Variants in ESD observed in about 807,000 individuals in gnomAD.
ESD encodes the protein S-formylglutathione hydrolase.
A neutral mutation model predicts 38.1 loss-of-function variants in ESD; 34 were observed. The ratio of observed to expected loss-of-function variants is 0.89; its 90% CI spans 0.68 to 1.19. The LOEUF is 1.19. Ranked by LOEUF, ESD falls within the 50% of genes most tolerant of loss-of-function variation. The pLI, the probability that ESD is intolerant of heterozygous loss-of-function variation, is 0.00. For missense variants in ESD, 334 were observed against 327.2 expected (o/e 1.02, Z -0.16); for synonymous variants, 97 against 107.0 (o/e 0.91, Z 0.58).
At chr13:46,774,346 G>C (rs1450665402) in intron 9 of ESD, among the ~76,000 whole-genome samples, 1 of 152,138 alleles carries the variant, frequency 6.6e-6, no homozygotes, top group East Asian at 1.9e-4. Context: ...GAATACATTT[G>C]AACAATTGGT....
chr13:46,774,906 T>C (rs926076921), intron 9 of ESD, among the ~76,000 whole-genome samples: 2 of 152,214 alleles, frequency 1.3e-5, no homozygotes, highest in Non-Finnish European at 2.9e-5. Context: ...TTCTCTGCCA[T>C]GTTCTTACTC....
intron 1 of ESD, among the ~76,000 whole-genome samples, chr13:46,796,162 T>A (rs1875568113): frequency 1.3e-5 from 2 of 152,176 alleles, no homozygotes; most frequent in Admixed American, 1.3e-4. Context: ...CTATGCATAA[T>A]TCTAGGATGG....
chr13:46,778,691 G>C (rs1030512836), intron 8 of ESD, among the ~76,000 whole-genome samples: 3 of 151,738 alleles, frequency 2.0e-5, no homozygotes, highest in African/African-American at 7.3e-5. Context: ...TCAGAACCTA[G>C]CATAGACTTT....
intron 8 of ESD, among the ~76,000 whole-genome samples, chr13:46,778,697 A>G (rs910485658): frequency 4.0e-5 from 6 of 151,806 alleles, no homozygotes; most frequent in Non-Finnish European, 5.9e-5. Context: ...CCTAGCATAG[A>G]CTTTGCACCA....
intron 3 of ESD, among the ~76,000 whole-genome samples, chr13:46,789,082 C>T (rs1045283299): frequency 3.9e-5 from 6 of 152,154 alleles, no homozygotes; most frequent in African/African-American, 1.4e-4. Flanking sequence ...TAAATGGCTA[C>T]ATGTAATTAC....
chr13:46,773,684 C>A (rs1352733768), intron 9 of ESD, among the ~76,000 whole-genome samples: 1 of 152,086 alleles, frequency 6.6e-6, no homozygotes, highest in East Asian at 1.9e-4. Context: ...ATAAAAAGTT[C>A]TAGTTTAAGG....
intron 8 of ESD, among the ~76,000 whole-genome samples, chr13:46,779,549 G>C (rs1327430899): frequency 6.6e-6 from 1 of 150,914 alleles, no homozygotes; most frequent in Non-Finnish European, 1.5e-5. Context: ...TTAGATTAGG[G>C]ATGCTCAACC....
intron 3 of ESD, 149 bp downstream of exon 3, chr13:46,791,197 A>G (rs1343591502): frequency 3.4e-6 from 2 of 580,730 alleles, no homozygotes; most frequent in Admixed American, 3.5e-5. Flanking sequence ...AGTCTGGTAG[A>G]ATTGTCAAAT....
chr13:46,794,144 C>T (rs1269763299), intron 1 of ESD, among the ~76,000 whole-genome samples: 2 of 118,546 alleles, frequency 1.7e-5, no homozygotes, highest in Non-Finnish European at 3.6e-5. Context: ...CAACACCCTT[C>T]CTCCTTCCCC....
intron 9 of ESD, among the ~76,000 whole-genome samples, chr13:46,775,222 G>GA (rs1340626715): frequency 1.3e-5 from 2 of 151,124 alleles, no homozygotes; most frequent in East Asian, 1.9e-4. Flanking sequence ...AATAGAAAAA[G>GA]AAAAAATTAT....
intron 8 of ESD, among the ~76,000 whole-genome samples, 168 bp from the exon 9 acceptor site, chr13:46,777,791 A>G (rs1566278049): frequency 6.6e-6 from 1 of 151,922 alleles, no homozygotes; most frequent in Non-Finnish European, 1.5e-5. Flanking sequence ...TTTATTTACA[A>G]GGTCTTCGGA....
chr13:46,791,289 A>G, intron 3 of ESD, 57 bp downstream of exon 3: 1 of 1,317,406 alleles, frequency 7.6e-7, no homozygotes, highest in South Asian at 1.2e-5. Flanking sequence ...GTTTTAAAAT[A>G]GAACAAAATA....
At chr13:46,775,771 TAGA>T (rs1233538711) in intron 9 of ESD, 27 of 440,302 alleles carry the variant, frequency 6.1e-5, no homozygotes, top group Middle Eastern at 3.5e-4. Context: ...CTTACTTTTT[TAGA>T]AGAATTGAAT....
Position 46,777,585 on chromosome 13 carries a change from T to C in ESD, c.639A>G (p.Gly213=). Residue 213 remains glycine (G), a synonymous_variant, in exon 9 of 10, where the codon GGA becomes GGG. Transcript: ENST00000378720. The part of the protein sequence containing the change: ...DATHLVKSYP[G]SQLDILIDQG... ...GATCAATTAGTATGTCCAGCTGAGATCCTGGATAGGATTTCACAAGGTGGG... is the reference window on the plus strand; with the variant it reads ...GATCAATTAGTATGTCCAGCTGAGACCCTGGATAGGATTTCACAAGGTGGG... 6.2e-7 allele frequency: 1 copy of C among 1,608,964 alleles called. No homozygotes were observed. The highest frequency in any genetic ancestry group is 8.5e-7 in the Non-Finnish European group (1 of 1,177,210).
chr13:46,777,601 A>T lies in ESD; in HGVS notation c.623T>A (p.Val208Glu). 1 of 1,606,970 alleles carries T rather than the reference A, an allele frequency of 6.2e-7. No individual in the cohort carries two copies. The highest frequency in any genetic ancestry group is 8.5e-7 in the Non-Finnish European group (1 of 1,176,430). ...CAGCTGAGATCCTGGATAGGATTTC[A>T]CAAGGTGGGTAGCATCATAAGCCTG... Reference protein sequence around the residue: ...KWKAYDATHLVKSYPGSQLDI... With the variant: ...KWKAYDATHLEKSYPGSQLDI... The change falls in exon 9 of 10, where the codon GTG becomes GAG. Residue 208 changes from valine (V) to glutamate (E), a missense_variant. Val to Glu is a moderately radical substitution (Grantham distance 121). Coordinates refer to ENST00000378720, the MANE Select transcript of ESD (RefSeq NM_001984.2).
chr13:46,791,001 T>C (rs1390915401), intron 3 of ESD, among the ~76,000 whole-genome samples: 1 of 152,198 alleles, frequency 6.6e-6, no homozygotes, highest in Non-Finnish European at 1.5e-5. Context: ...ATGTGTTTAG[T>C]GTGCCATCTT....
chr13:46,771,565 A>G lies in ESD; in HGVS notation c.769-69T>C, dbSNP rs562334380. 167 of 994,288 alleles carry G rather than the reference A, an allele frequency of 1.7e-4. No individual in the cohort carries two copies. The South Asian group carries it at 2.2e-3, about 13-fold the overall frequency. 61.6% of individuals were successfully genotyped at this position (994,288 alleles called of 1,614,324 possible). A position where few individuals can be genotyped will look rare whatever the true frequency, so the allele number is the denominator to read the frequency against. On this transcript the variant is annotated intron_variant, in intron 9 of 9. Coordinates refer to ENST00000378720, the MANE Select transcript of ESD (RefSeq NM_001984.2). ...AACATCAGTATTAGGAACATTAAATATATCTCTAAGGTCGTTTAATTTGCT... is the reference window on the plus strand; with the variant it reads ...AACATCAGTATTAGGAACATTAAATGTATCTCTAAGGTCGTTTAATTTGCT...
In ESD at chr13:46,791,404, T is replaced by C. The variant is rs775313048; in HGVS notation, c.10A>G (p.Lys4Glu). ...AAGCACTTGTTGCTGGAAATCTGCT[T>C]CAATGCCATTCTTTTCCTATTAGTA... MAL[K>E]QISSNKCFGG... Residue 4 changes from lysine (K) to glutamate (E), a missense_variant, in exon 3 of 10, where the codon AAG (lysine) becomes GAG (glutamate). Transcript: ENST00000378720. 6.2e-7 allele frequency: 1 copy of C among 1,612,518 alleles called. No individual in the cohort carries two copies.
chr13:46,781,023 T>A lies in ESD; in HGVS notation c.501+473A>T, dbSNP rs116633758. On this transcript the variant is annotated intron_variant, in intron 7 of 9. Coordinates refer to ENST00000378720, the MANE Select transcript of ESD (RefSeq NM_001984.2). ...GGGAAAGGCTGAGAGTGATGTTTTT[T>A]AATCAAGCTGCATTTCAATTTTCAT... Among the ~76,000 whole-genome samples, 678 of 151,870 alleles carry A rather than the reference T, an allele frequency of 4.5e-3. 5 individuals carry two copies. Among genetic ancestry groups the A allele is most frequent in the African/African-American group, 0.016 (646 of 41,514 alleles).
Sources: allele counts gnomAD v4.1 joint callset (sites outside exome capture counted in the v4.1 genomes callset), GRCh38; gene constraint gnomAD v4.1.1; transcripts MANE v1.5; gene names NCBI Gene and HGNC (gene_info 2026-07-23, HGNC 2026-07-21).